The following PTPRT variants were observed in gnomAD, a reference collection of about 807,000 sequenced individuals.
The protein encoded by PTPRT is protein tyrosine phosphatase receptor type T.
In PTPRT, 56 loss-of-function variants were observed where a neutral mutation model predicts 176.8. That is an observed-to-expected ratio of 0.32 (90% confidence interval 0.26 to 0.40). PTPRT has a LOEUF of 0.40. Ranked by LOEUF, PTPRT falls within the 10% of genes least tolerant of loss-of-function variation. The pLI is 1.00. For synonymous variants in PTPRT, 783 were observed against 739.0 expected, an observed-to-expected ratio of 1.06 and a Z score of -0.96; for missense variants, 1,540 against 1,908.2, an observed-to-expected ratio of 0.81 and a Z score of 3.60.
intron 12 of PTPRT, among the ~76,000 whole-genome samples, chr20:42,293,786 A>C (rs2057350425): frequency 6.6e-6 from 1 of 152,136 alleles, no homozygotes; most frequent in South Asian, 2.1e-4. Context: ...AATAAATGTC[A>C]CCATCATCTA....
intron 11 of PTPRT, among the ~76,000 whole-genome samples, chr20:42,341,403 C>G (rs1001681992): frequency 1.3e-5 from 2 of 152,094 alleles, no homozygotes; most frequent in Non-Finnish European, 1.5e-5. Flanking sequence ...CTTCTTGAAG[C>G]TCCTGGAGAA....
intron 9 of PTPRT, among the ~76,000 whole-genome samples, chr20:42,371,340 T>G (rs1303808240): frequency 6.6e-6 from 1 of 152,218 alleles, no homozygotes; most frequent in Non-Finnish European, 1.5e-5. Flanking sequence ...CATTGCTTCT[T>G]CTACCATCTT....
intron 13 of PTPRT, among the ~76,000 whole-genome samples, chr20:42,258,774 G>A (rs934760101): frequency 1.3e-5 from 2 of 152,154 alleles, no homozygotes; most frequent in African/African-American, 4.8e-5. Flanking sequence ...TCATATGACA[G>A]TAATTGCTTT....
At chr20:42,926,241 C>T (rs1240687405) in intron 1 of PTPRT, among the ~76,000 whole-genome samples, 1 of 152,200 alleles carries the variant, frequency 6.6e-6, no homozygotes, top group Non-Finnish European at 1.5e-5. Flanking sequence ...TAGCCTTGCT[C>T]TGATGTCAAG....
At chr20:42,143,398 T>C (rs1035028545) in intron 17 of PTPRT, among the ~76,000 whole-genome samples, 12 of 151,828 alleles carry the variant, frequency 7.9e-5, no homozygotes, top group African/African-American at 2.4e-4. Flanking sequence ...CTACTAAAAG[T>C]ACAGAAAAAT....
At chr20:42,347,746 G>A (rs1006876154) in intron 11 of PTPRT, among the ~76,000 whole-genome samples, 7 of 152,086 alleles carry the variant, frequency 4.6e-5, no homozygotes, top group African/African-American at 1.2e-4. Flanking sequence ...ACCTGTCCCC[G>A]CCTCCAAAAG....
intron 6 of PTPRT, among the ~76,000 whole-genome samples, chr20:42,736,347 A>C (rs557501028): frequency 3.2e-4 from 49 of 152,320 alleles, no homozygotes; most frequent in African/African-American, 1.2e-3. Context: ...GTGCAGTGAA[A>C]AGGTCTGAAG....
At chr20:42,863,404 G>A (rs1386954326) in intron 2 of PTPRT, among the ~76,000 whole-genome samples, 1 of 152,188 alleles carries the variant, frequency 6.6e-6, no homozygotes, top group Non-Finnish European at 1.5e-5. Context: ...TACTCTGTTT[G>A]TGACTATCTA....
At chr20:42,107,067 GT>G in intron 23 of PTPRT, 146 bp from the exon 24 acceptor site, 1 of 1,048,128 alleles carries the variant, frequency 9.5e-7, no homozygotes, top group Non-Finnish European at 1.3e-6. Flanking sequence ...AATATGTATA[GT>G]TTGTAATGCA....
intron 7 of PTPRT, among the ~76,000 whole-genome samples, chr20:42,545,250 C>G (rs1458943743): frequency 1.3e-5 from 2 of 152,176 alleles, no homozygotes; most frequent in African/African-American, 4.8e-5. Flanking sequence ...AAGCCACACA[C>G]CTTTTCCCAT....
intron 1 of PTPRT, among the ~76,000 whole-genome samples, chr20:43,030,385 G>A (rs1600660624): frequency 6.6e-6 from 1 of 152,066 alleles, no homozygotes; most frequent in East Asian, 1.9e-4. Context: ...AAATAAATAA[G>A]GTTGATTGAA....
intron 6 of PTPRT, among the ~76,000 whole-genome samples, chr20:42,739,444 G>A (rs761125141): frequency 3.9e-5 from 6 of 152,124 alleles, no homozygotes; most frequent in Admixed American, 2.6e-4. Context: ...TGACAAGCAT[G>A]GCAGTGGTGA....
At chr20:42,482,429 T>C (rs1421635795) in intron 7 of PTPRT, among the ~76,000 whole-genome samples, 1 of 152,048 alleles carries the variant, frequency 6.6e-6, no homozygotes, top group Non-Finnish European at 1.5e-5. Flanking sequence ...ATGGTAAGAG[T>C]ATTCTTTGCC....
intron 1 of PTPRT, among the ~76,000 whole-genome samples, chr20:42,895,117 T>C (rs1415622930): frequency 6.6e-6 from 1 of 152,228 alleles, no homozygotes. Flanking sequence ...TATTTTCAGC[T>C]TTGCAGGTTG....
chr20:43,187,984 T>C (rs1241096942), intron 1 of PTPRT, among the ~76,000 whole-genome samples: 1 of 152,224 alleles, frequency 6.6e-6, no homozygotes, highest in African/African-American at 2.4e-5. Context: ...CCCGAGCCGG[T>C]ACGGGTTTTA....
At position 42,288,233 on chromosome 20, in the gene PTPRT, C is replaced by G. The variant is rs548790690; in HGVS notation, c.2140-5708G>C. Among the ~76,000 whole-genome samples, 23 of 152,096 alleles carry G rather than the reference C, an allele frequency of 1.5e-4. No individual in the cohort carries two copies. In the South Asian group the frequency reaches 4.8e-3, roughly 31 times the overall value. On this transcript the variant is annotated intron_variant, in intron 12 of 30. Coordinates refer to ENST00000373187, the MANE Select transcript of PTPRT (RefSeq NM_007050.6). ...CATTGCCAGCACCTCAGAAGTTTCC[C>G]TCATGCTTCTTCTGGTCACTTCTTC... is the stretch of plus-strand genomic sequence containing the variant.
At chr20:43,137,642 G>A (rs987025633) in intron 1 of PTPRT, among the ~76,000 whole-genome samples, 1 of 152,180 alleles carries the variant, frequency 6.6e-6, no homozygotes, top group African/African-American at 2.4e-5. Context: ...CTCTGGGGCG[G>A]CACCAACCAT....
chr20:43,164,763 T>C (rs568969199), intron 1 of PTPRT, among the ~76,000 whole-genome samples: 1 of 152,366 alleles, frequency 6.6e-6, no homozygotes, highest in Non-Finnish European at 1.5e-5. Context: ...TGCTCCAATA[T>C]AACATTTTTA....
chr20:42,569,992 C>T (rs2073126219), intron 7 of PTPRT, among the ~76,000 whole-genome samples: 1 of 152,198 alleles, frequency 6.6e-6, no homozygotes, highest in Non-Finnish European at 1.5e-5. Context: ...GTTTAAGTAA[C>T]TTGCCCAACA....
Sources: gnomAD v4.1 joint callset for allele counts (sites outside exome capture counted in the v4.1 genomes callset) on GRCh38, gnomAD v4.1.1 for gene constraint, MANE v1.5 for transcripts, NCBI Gene and HGNC (gene_info 2026-07-23, HGNC 2026-07-21) for gene names.